The following OGDH variants were observed in gnomAD, a reference collection of about 807,000 sequenced individuals.
The protein encoded by OGDH is 2-oxoglutarate dehydrogenase complex component E1.
Under a neutral mutation model 116.6 loss-of-function variants are expected in OGDH, and 38 were observed. That is an observed-to-expected ratio of 0.33 (90% CI 0.25 to 0.43). OGDH has a LOEUF of 0.43. OGDH is among the 20% of genes least tolerant of loss of function. The pLI, the probability that OGDH is intolerant of heterozygous loss-of-function variation, is 1.00. For synonymous variants in OGDH, 488 were observed against 533.3 expected (o/e 0.92, Z 1.17); for missense variants, 825 against 1,357.2 (o/e 0.61, Z 6.16).
chr7:44,628,024 T>G (rs1585241505), intron 2 of OGDH, among the ~76,000 whole-genome samples: 2 of 152,162 alleles, frequency 1.3e-5, no homozygotes, highest in Non-Finnish European at 2.9e-5. Flanking sequence ...CAAGCATACA[T>G]AACAGTAGAG....
At chr7:44,673,739 C>T in intron 5 of OGDH, 48 bp from the exon 6 acceptor site, 1 of 1,601,416 alleles carries the variant, frequency 6.2e-7, no homozygotes, top group East Asian at 2.2e-5. Context: ...TTCATTCAGC[C>T]AGGCCTGGTT....
chr7:44,620,976 A>T (rs1236130146), intron 1 of OGDH, among the ~76,000 whole-genome samples: 1 of 152,238 alleles, frequency 6.6e-6, no homozygotes, highest in East Asian at 1.9e-4. Context: ...CTATTCTTAA[A>T]GTTGACTTAG....
chr7:44,638,922 G>A (rs902063975), intron 2 of OGDH, among the ~76,000 whole-genome samples: 66 of 152,358 alleles, frequency 4.3e-4, no homozygotes, highest in African/African-American at 1.5e-3. Context: ...CCCCCAGGAT[G>A]GGGACAGACA....
intron 4 of OGDH, chr7:44,656,487 T>C: frequency 1.2e-6 from 1 of 816,826 alleles, no homozygotes; most frequent in Non-Finnish European, 2.0e-6. Context: ...TTTTTAAGTT[T>C]GTTAATTGTT....
intron 5 of OGDH, 66 bp from the exon 6 acceptor site, chr7:44,673,714 GGGCAGTC>G: frequency 6.9e-7 from 1 of 1,456,220 alleles, no homozygotes. Context: ...CTGGCTGAAT[GGGCAGTC>G]GGCAGTCTTC....
intron 2 of OGDH, among the ~76,000 whole-genome samples, chr7:44,637,707 G>A (rs1785732762): frequency 6.6e-6 from 1 of 152,068 alleles, no homozygotes; most frequent in African/African-American, 2.4e-5. Context: ...CTACTGGGGA[G>A]GCTGAGGCAG....
intron 4 of OGDH, among the ~76,000 whole-genome samples, chr7:44,652,554 T>A (rs996548369): frequency 6.6e-6 from 1 of 152,158 alleles, no homozygotes; most frequent in African/African-American, 2.4e-5. Flanking sequence ...TGAGATACTT[T>A]ATTTTTTTAT....
chr7:44,708,213 C>G lies in OGDH; in HGVS notation c.*214C>G, dbSNP rs937216961. ...CACGCTGCCCAGGCTCTGCTGACTT[C>G]TGAGCAGTTTTCCAGGAGGCCGGGG... On this transcript the variant is annotated 3_prime_UTR_variant, in exon 23 of 23. Transcript: ENST00000222673. 6.0e-5 allele frequency: 37 copies of G among 612,658 alleles called. No individual in the cohort carries two copies. In the South Asian group the frequency reaches 7.7e-4, roughly 13 times the overall value. 38.0% of individuals were successfully genotyped at this position (612,658 alleles called of 1,614,324 possible).
At chr7:44,663,104 G>A (rs1787020342) in intron 4 of OGDH, among the ~76,000 whole-genome samples, 1 of 151,986 alleles carries the variant, frequency 6.6e-6, no homozygotes, top group Admixed American at 6.6e-5. Flanking sequence ...GTCCCCTGAG[G>A]CTCTGTTCAT....
chr7:44,654,436 T>G (rs1002750498), intron 4 of OGDH, among the ~76,000 whole-genome samples: 2 of 152,230 alleles, frequency 1.3e-5, no homozygotes, highest in Non-Finnish European at 2.9e-5. Context: ...CATATCCTCC[T>G]GACCTTCCAG....
chr7:44,653,263 T>C (rs1157421582), intron 4 of OGDH, among the ~76,000 whole-genome samples: 2 of 152,054 alleles, frequency 1.3e-5, no homozygotes, highest in Non-Finnish European at 2.9e-5. Flanking sequence ...CGGCTAATTT[T>C]TGTATTTTTA....
rs112769496 is a variant in OGDH at position 44,633,898 on chromosome 7, C to G, written c.222+9333C>G. Among the ~76,000 whole-genome samples the G allele has an allele frequency of 4.2e-3, 634 of 152,304 alleles. 6 individuals are homozygous for G. Among genetic ancestry groups the G allele is most frequent in the African/African-American group, 0.015 (608 of 41,566 alleles). On this transcript the variant is annotated intron_variant, in intron 2 of 22. Transcript: ENST00000222673. ...GGGTAGTTTGAAGCGTTCTCATTTC[C>G]TGAGGTGTGTCAGAAAGACTGCGTG...
chr7:44,620,387 A>T (rs1784966489), intron 1 of OGDH, among the ~76,000 whole-genome samples: 1 of 152,218 alleles, frequency 6.6e-6, no homozygotes, highest in Non-Finnish European at 1.5e-5. Flanking sequence ...GTGGTGTCAT[A>T]ACTAAGAATA....
At chr7:44,620,082 G>T (rs770313339) in intron 1 of OGDH, among the ~76,000 whole-genome samples, 9 of 152,110 alleles carry the variant, frequency 5.9e-5, no homozygotes, top group Non-Finnish European at 1.2e-4. Context: ...GTGCGGTGGT[G>T]CGATCTCAGC....
In OGDH at chr7:44,673,875, C is replaced by T; in HGVS notation, c.722C>T (p.Pro241Leu). 6.2e-7 allele frequency: 1 copy of T among 1,614,228 alleles called. No homozygotes were observed. Among genetic ancestry groups the T allele is most frequent in the Non-Finnish European group, 8.5e-7 (1 of 1,180,032 alleles). ...CQWIRQKFETPGIMQFTNEEK... is the reference protein window; with the variant it reads ...CQWIRQKFETLGIMQFTNEEK... Reference sequence around the variant, plus strand: ...TGGATCCGGCAGAAGTTTGAGACCCCTGGGATCATGCAGTTCACAAATGAG... The same window carrying T: ...TGGATCCGGCAGAAGTTTGAGACCCTTGGGATCATGCAGTTCACAAATGAG... The change falls in exon 6 of 23, where the codon CCT (proline) becomes CTT (leucine). Residue 241 changes from proline (P) to leucine (L), a missense_variant. This residue lies in a region of OGDH where 171 missense variants were observed against 276.8 expected (regional missense o/e 0.62). Coordinates refer to ENST00000222673, the MANE Select transcript of OGDH (RefSeq NM_002541.4).
At chr7:44,614,146 G>T (rs774234749) in intron 1 of OGDH, among the ~76,000 whole-genome samples, 2 of 150,528 alleles carry the variant, frequency 1.3e-5, no homozygotes, top group Admixed American at 6.6e-5. Context: ...TAGATATAGG[G>T]TCTTGCTCTG....
intron 12 of OGDH, among the ~76,000 whole-genome samples, chr7:44,695,570 G>A (rs899429870): frequency 9.9e-5 from 15 of 152,110 alleles, no homozygotes; most frequent in Non-Finnish European, 4.4e-5. Context: ...GGGCGTGGTG[G>A]CACGCACTTG....
intron 9 of OGDH, among the ~76,000 whole-genome samples, 184 bp from the exon 10 acceptor site, chr7:44,681,536 C>G (rs577723994): frequency 1.3e-5 from 2 of 152,202 alleles, no homozygotes; most frequent in Non-Finnish European, 2.9e-5. Context: ...TGGTGTTGAG[C>G]AGATATACCA....
intron 6 of OGDH, among the ~76,000 whole-genome samples, 170 bp downstream of exon 6, chr7:44,674,111 C>A (rs944514385): frequency 5.3e-5 from 8 of 152,216 alleles, no homozygotes; most frequent in African/African-American, 1.7e-4. Flanking sequence ...CAAGTAGAGT[C>A]AGCCTTCAGA....
Sources: allele counts gnomAD v4.1 joint callset (sites outside exome capture counted in the v4.1 genomes callset), GRCh38; gene constraint gnomAD v4.1.1; regional missense constraint gnomAD v4.1.1; transcripts MANE v1.5; gene names NCBI Gene and HGNC (gene_info 2026-07-23, HGNC 2026-07-21).